NALF1: variants seen among roughly 807,000 people sequenced by gnomAD.
The protein encoded by NALF1 is NALCN channel auxiliary factor 1, also known as family with sequence similarity 155 member A.
A neutral mutation model predicts 48.4 loss-of-function variants in NALF1; 3 were observed. That is an observed-to-expected ratio of 0.06 (90% CI 0.03 to 0.16). The LOEUF (loss-of-function observed/expected upper bound fraction) is 0.16, where lower values mean the gene tolerates loss of function less well. Ranked by LOEUF, NALF1 falls within the 10% of genes least tolerant of loss-of-function variation. The probability of loss-of-function intolerance (pLI) is 1.00; values close to 1 mark genes in which losing one functional copy is unlikely to be tolerated. For missense variants in NALF1, 526 were observed against 571.5 expected, an observed-to-expected ratio of 0.92 and a Z score of 0.81; for synonymous variants, 262 against 245.7, an observed-to-expected ratio of 1.07 and a Z score of -0.62.
At chr13:107,211,675 T>C (rs1879764345) in intron 1 of NALF1, among the ~76,000 whole-genome samples, 1 of 150,138 alleles carries the variant, frequency 6.7e-6, no homozygotes, top group African/African-American at 2.5e-5. Flanking sequence ...TCCTTGGCAC[T>C]AATGGCTTTT....
At chr13:107,449,438 G>A (rs879654596) in intron 1 of NALF1, among the ~76,000 whole-genome samples, 1 of 151,992 alleles carries the variant, frequency 6.6e-6, no homozygotes, top group Non-Finnish European at 1.5e-5. Context: ...AAAGGAAGAG[G>A]TAAAATTGCA....
chr13:107,736,223 A>ACG (rs57922203), intron 1 of NALF1, among the ~76,000 whole-genome samples: 1 of 56,488 alleles, frequency 1.8e-5, no homozygotes, highest in African/African-American at 5.2e-5. Flanking sequence ...ACACACACAC[A>ACG]CGCGCGCGTG....
chr13:107,338,036 A>T (rs1448190004), intron 1 of NALF1, among the ~76,000 whole-genome samples: 1 of 152,242 alleles, frequency 6.6e-6, no homozygotes, highest in African/African-American at 2.4e-5. Flanking sequence ...GTCATATTTC[A>T]TCCACTATAT....
At chr13:107,470,241 A>C (rs568718585) in intron 1 of NALF1, among the ~76,000 whole-genome samples, 6 of 152,374 alleles carry the variant, frequency 3.9e-5, no homozygotes, top group African/African-American at 1.2e-4. Context: ...TTTTAAATTT[A>C]CTTCCTTCCT....
intron 1 of NALF1, among the ~76,000 whole-genome samples, chr13:107,226,592 A>G (rs1880112545): frequency 6.6e-6 from 1 of 152,222 alleles, no homozygotes; most frequent in African/African-American, 2.4e-5. Flanking sequence ...CATACTTAGC[A>G]TCGGGTTTCT....
At chr13:107,440,564 C>T (rs1884541488) in intron 1 of NALF1, among the ~76,000 whole-genome samples, 1 of 152,098 alleles carries the variant, frequency 6.6e-6, no homozygotes, top group African/African-American at 2.4e-5. Flanking sequence ...GAAGAGGACA[C>T]CGTGTTCTCT....
chr13:107,770,094 T>G (rs1877536340), intron 1 of NALF1, among the ~76,000 whole-genome samples: 1 of 152,086 alleles, frequency 6.6e-6, no homozygotes, highest in African/African-American at 2.4e-5. Flanking sequence ...TTGTATTTTT[T>G]AGTAGAGACG....
intron 1 of NALF1, among the ~76,000 whole-genome samples, chr13:107,805,636 C>G (rs1385455703): frequency 6.6e-6 from 1 of 152,180 alleles, no homozygotes; most frequent in East Asian, 1.9e-4. Context: ...GTCTAACTTA[C>G]ATGAGTAAAT....
chr13:107,314,548 C>T (rs1270408076), intron 1 of NALF1, among the ~76,000 whole-genome samples: 1 of 152,122 alleles, frequency 6.6e-6, no homozygotes, highest in African/African-American at 2.4e-5. Context: ...TCATACATGA[C>T]CCTCCCTTGA....
chr13:107,475,459 T>A (rs2139056092), intron 1 of NALF1, among the ~76,000 whole-genome samples: 1 of 152,322 alleles, frequency 6.6e-6, no homozygotes, highest in Non-Finnish European at 1.5e-5. Flanking sequence ...CTGAGCTTAC[T>A]CAGTTTGATA....
At chr13:107,643,071 G>A (rs1038892440) in intron 1 of NALF1, among the ~76,000 whole-genome samples, 5 of 151,992 alleles carry the variant, frequency 3.3e-5, no homozygotes, top group East Asian at 1.9e-4. Flanking sequence ...ATCAGGTTTC[G>A]CAGTTCATTC....
chr13:107,227,354 T>C (rs886958858), intron 1 of NALF1, among the ~76,000 whole-genome samples: 2 of 152,216 alleles, frequency 1.3e-5, no homozygotes. Context: ...GTAGTAACTT[T>C]GATTACTCCA....
chr13:107,437,585 A>G (rs1010804760), intron 1 of NALF1, among the ~76,000 whole-genome samples: 6 of 152,214 alleles, frequency 3.9e-5, no homozygotes, highest in Non-Finnish European at 8.8e-5. Context: ...ACGGACATAC[A>G]ACACCATGGG....
rs535640184 is a variant in NALF1, at chr13:107,180,585, T to C, written c.1088-9799A>G. On this transcript the variant is annotated intron_variant, in intron 2 of 2. Coordinates refer to ENST00000375915, the MANE Select transcript of NALF1 (RefSeq NM_001080396.3). ...TTCATCTGAAAAAAGAAGAAACTAC[T>C]GCAATTTGTTTTCTCAATCTTTTTT... Among the ~76,000 whole-genome samples, 12 of 152,016 alleles carry C rather than the reference T, an allele frequency of 7.9e-5. No homozygotes were observed. In the East Asian group the frequency reaches 2.1e-3, roughly 27 times the overall value.
chr13:107,574,239 G>A (rs689042), intron 1 of NALF1, among the ~76,000 whole-genome samples: 75,930 of 151,936 alleles, frequency 0.5, 19,302 homozygotes, highest in Admixed American at 0.53. Flanking sequence ...AATCTTGAAT[G>A]AAAAACTACT....
At chr13:107,414,471 C>T (rs1884049878) in intron 1 of NALF1, among the ~76,000 whole-genome samples, 1 of 149,882 alleles carries the variant, frequency 6.7e-6, no homozygotes, top group East Asian at 1.9e-4. Context: ...TAACAAATTA[C>T]CATATATACA....
At chr13:107,529,913 T>A (rs1343050066) in intron 1 of NALF1, among the ~76,000 whole-genome samples, 1 of 152,020 alleles carries the variant, frequency 6.6e-6, no homozygotes, top group African/African-American at 2.4e-5. Flanking sequence ...CTCCAAGGTA[T>A]CTTTCCATAA....
At chr13:107,489,420 A>C (rs1885381007) in intron 1 of NALF1, among the ~76,000 whole-genome samples, 1 of 152,182 alleles carries the variant, frequency 6.6e-6, no homozygotes, top group African/African-American at 2.4e-5. Flanking sequence ...GTACTCGTAT[A>C]AAAACAGACA....
In NALF1 at chr13:107,210,821, G is replaced by A. The variant is rs1018178473; in HGVS notation, c.916-66C>T. On this transcript the variant is annotated intron_variant, in intron 1 of 2. Coordinates refer to ENST00000375915, the MANE Select transcript of NALF1 (RefSeq NM_001080396.3). ...ACAGTTACAGTGATAGAGGCACTGT[G>A]AGAAGCGTGCAAGCGTGCTGTGGTT... is the stretch of plus-strand genomic sequence containing the variant. The A allele has an allele frequency of 2.6e-6, 3 of 1,132,474 alleles. No homozygotes were observed. The African/African-American group carries it at 4.6e-5, about 17-fold the overall frequency. 70.2% of individuals were successfully genotyped at this position (1,132,474 alleles called of 1,614,324 possible).
Sources: gnomAD v4.1 joint callset for allele counts (sites outside exome capture counted in the v4.1 genomes callset) on GRCh38, gnomAD v4.1.1 for gene constraint, MANE v1.5 for transcripts, NCBI Gene and HGNC (gene_info 2026-07-23, HGNC 2026-07-21) for gene names.